CDK10: variants seen among roughly 807,000 people sequenced by gnomAD.
CDK10 encodes the protein cyclin dependent kinase 10, also known as cyclin-dependent kinase 10.
CDK10 carries 55 observed loss-of-function variants against 51.0 expected under a neutral mutation model. The ratio of observed to expected loss-of-function variants is 1.08; its 90% confidence interval spans 0.87 to 1.35. CDK10 has a LOEUF of 1.35. Ranked by LOEUF, CDK10 falls within the 40% of genes most tolerant of loss-of-function variation. CDK10 has a pLI of 0.00. For synonymous variants in CDK10, 255 were observed against 199.1 expected (o/e 1.28, Z -2.36); for missense variants, 589 against 485.1 (o/e 1.21, Z -2.01).
Position 89,691,564 on chromosome 16 carries a change from T to TGCACATTG in CDK10, c.335+21_335+28dup. 6.3e-7 allele frequency: 1 copy of TGCACATTG among 1,588,924 alleles called. No individual in the cohort carries two copies. Among genetic ancestry groups the TGCACATTG allele is most frequent in the East Asian group, 2.2e-5 (1 of 44,734 alleles). ...TGGAGAGGTACGTGGTCTCCTGGTCTGCACATTGGGCCCTAGGGAGCATGT... is the reference window on the plus strand; with the variant it reads ...TGGAGAGGTACGTGGTCTCCTGGTCTGCACATTGGCACATTGGGCCCTAGGGAGCATGT... On this transcript the variant is annotated intron_variant, in intron 4 of 12. Transcript: ENST00000353379.
At chr16:89,686,929 CCCGCGGCGGGGGCGGAAG>C (rs1350709406) in intron 1 of CDK10, 132 bp downstream of exon 1, 1 of 734,744 alleles carries the variant, frequency 1.4e-6, no homozygotes, top group Non-Finnish European at 2.1e-6. Context: ...CCCAGAGTTC[CCCGCGGCGGGGGCGGAAG>C]CCGGGGCGGG....
intron 1 of CDK10, chr16:89,687,530 T>C (rs995178226): frequency 4.4e-6 from 2 of 455,866 alleles, no homozygotes; most frequent in South Asian, 1.5e-5. Flanking sequence ...AGCCGTGTGC[T>C]GGACTCTGGG....
rs1277201742 is a variant in CDK10, at chr16:89,691,876, T to C, written c.406T>C (p.Ser136Pro). The C allele has an allele frequency of 6.2e-7, 1 of 1,613,930 alleles. No individual in the cohort carries two copies. Among genetic ancestry groups the C allele is most frequent in the African/African-American group, 1.3e-5 (1 of 74,928 alleles). Residue 136 changes from serine to proline, a missense_variant, in exon 5 of 13, where the codon TCG becomes CCG. Ser to Pro is a moderately conservative substitution (Grantham distance 74). Coordinates refer to ENST00000353379, the MANE Select transcript of CDK10 (RefSeq NM_052988.5). ...SLLENMPTPFSEAQVKCIVLQ... is the reference protein window; with the variant it reads ...SLLENMPTPFPEAQVKCIVLQ... ...CCTGGAGAATATGCCAACACCCTTC[T>C]CGGAGGCTCAGGTGCGTGGCAGAGG... is the stretch of plus-strand genomic sequence containing the variant.
At chr16:89,686,857 G>A in intron 1 of CDK10, 60 bp downstream of exon 1, 1 of 1,435,334 alleles carries the variant, frequency 7.0e-7, no homozygotes, top group Non-Finnish European at 9.6e-7. Flanking sequence ...GCCCGGCTGG[G>A]TCTGGGGAGC....
Position 89,687,241 on chromosome 16 carries a change from A to G in CDK10, c.87+444A>G, listed in dbSNP as rs554477709. On this transcript the variant is annotated intron_variant, in intron 1 of 12. Transcript: ENST00000353379. ...GGGTCCAGCGCTGCCTGGCGGCTTC[A>G]CGCGAACCCTGGGCGCGTCCCTTGC... 1.4e-4 allele frequency: 47 copies of G among 330,296 alleles called. No homozygotes were observed. The Admixed American group carries it at 1.8e-3, about 12-fold the overall frequency. 20.5% of individuals were successfully genotyped at this position (330,296 alleles called of 1,614,324 possible).
In CDK10 at chr16:89,695,359, G is replaced by A. The variant is rs375057107; in HGVS notation, c.985+14G>A. 109 of 1,610,082 alleles carry A rather than the reference G, an allele frequency of 6.8e-5. No homozygotes were observed. In the African/African-American group the frequency reaches 1.4e-3, roughly 20 times the overall value. ...AGAAGCCCCTACGTGAGTGTGCAGGGTTCCTGACTCGCTCTGTGGGGTATG... is the reference window on the plus strand; with the variant it reads ...AGAAGCCCCTACGTGAGTGTGCAGGATTCCTGACTCGCTCTGTGGGGTATG... On this transcript the variant is annotated intron_variant, in intron 12 of 12. Coordinates refer to ENST00000353379, the MANE Select transcript of CDK10 (RefSeq NM_052988.5).
intron 8 of CDK10, 100 bp from the exon 9 acceptor site, chr16:89,694,073 T>A (rs1286056182): frequency 4.8e-6 from 6 of 1,243,658 alleles, no homozygotes; most frequent in Admixed American, 1.7e-5. Flanking sequence ...TTGGGACAGG[T>A]TTCCAGGCCA....
intron 11 of CDK10, 97 bp from the exon 12 acceptor site, chr16:89,695,196 G>C: frequency 6.5e-7 from 1 of 1,538,574 alleles, no homozygotes. Context: ...GTGGCCACCT[G>C]GCTTCCTTTG....
intron 6 of CDK10, 181 bp downstream of exon 6, chr16:89,692,697 TCA>T (rs2060506420): frequency 2.2e-6 from 1 of 459,164 alleles, no homozygotes; most frequent in East Asian, 3.7e-5. Flanking sequence ...CAGGCTGGTC[TCA>T]CACACTTGGG....
chr16:89,693,149 A>G (rs1373943682), intron 6 of CDK10, 125 bp from the exon 7 acceptor site: 6 of 792,504 alleles, frequency 7.6e-6, no homozygotes, highest in African/African-American at 7.0e-5. Flanking sequence ...AAAAAAAAAA[A>G]AAAAGATACT....
chr16:89,691,465 G>A lies in CDK10; in HGVS notation c.255G>A (p.Arg85=). The A allele has an allele frequency of 6.2e-7, 1 of 1,612,856 alleles. No individual in the cohort carries two copies. Among genetic ancestry groups the A allele is most frequent in the African/African-American group, 1.3e-5 (1 of 75,040 alleles). ...EKDGIPISSL[R]EITLLLRLRH... is the part of the protein sequence containing the mutation. ...CAGGCATCCCCATCAGCAGCTTGCG[G>A]GAGATCACGCTGCTGCTCCGCCTGC... The change falls in exon 4 of 13, where the codon CGG becomes CGA. Residue 85 remains arginine (R), a synonymous_variant. Transcript: ENST00000353379.
chr16:89,687,349 G>C (rs1358902968), intron 1 of CDK10: 1 of 412,272 alleles, frequency 2.4e-6, no homozygotes, highest in Non-Finnish European at 5.0e-6. Context: ...ACGGCTGGTG[G>C]GGGTGGAGAG....
At chr16:89,695,137 C>A in intron 11 of CDK10, 67 bp downstream of exon 11, 2 of 1,565,224 alleles carry the variant, frequency 1.3e-6, no homozygotes, top group Non-Finnish European at 1.7e-6. Flanking sequence ...TTCCCAGAGC[C>A]CAGCCTCACT....
At chr16:89,687,574 G>GT (rs779191067) in intron 1 of CDK10, 4 of 450,728 alleles carry the variant, frequency 8.9e-6, no homozygotes, top group Admixed American at 2.4e-5. Flanking sequence ...CTTTTTTGTT[G>GT]TTTTTTTGAG....
rs775049798 is a variant in CDK10 at position 89,691,895 on chromosome 16, G to A, written c.417+8G>A. ...CCCTTCTCGGAGGCTCAGGTGCGTG[G>A]CAGAGGGGCCTGGGGTGGGGGAATG... On this transcript the variant is annotated splice_region_variant and intron_variant, in intron 5 of 12. Transcript: ENST00000353379. 6.2e-7 allele frequency: 1 copy of A among 1,613,192 alleles called. No homozygotes were observed.
intron 5 of CDK10, 94 bp from the exon 6 acceptor site, chr16:89,692,355 A>AGCGTGCAGCC: frequency 1.1e-6 from 1 of 916,374 alleles, no homozygotes; most frequent in Non-Finnish European, 1.6e-6. Context: ...GGCTATTGGG[A>AGCGTGCAGCC]CTGCTAGTCC....
intron 1 of CDK10, among the ~76,000 whole-genome samples, 155 bp from the exon 2 acceptor site, chr16:89,689,097 C>G (rs1349098168): frequency 6.6e-6 from 1 of 151,882 alleles, no homozygotes; most frequent in African/African-American, 2.4e-5. Context: ...GAGACTCAGT[C>G]TCAAAAAAAG....
rs780812230 is a variant in CDK10, at chr16:89,686,694, C to CG, written c.-13dup. 1.2e-4 allele frequency: 189 copies of CG among 1,567,216 alleles called. No homozygotes were observed. The highest frequency in any genetic ancestry group is 8.1e-4 in the South Asian group (69 of 85,428). ...CGTCTGCGCCTGCGCGCAAGAGAGG[C>CG]GGGGCCAGCGCTCGGCATGGCGGAG... On this transcript the variant is annotated 5_prime_UTR_variant, in exon 1 of 13. Transcript: ENST00000353379.
rs755952324 is a variant in CDK10, at chr16:89,689,265, G to A, written c.101G>A (p.Arg34Gln). The A allele has an allele frequency of 2.0e-5, 32 of 1,613,940 alleles. No homozygotes were observed. Among genetic ancestry groups the A allele is most frequent in the African/African-American group, 6.7e-5 (5 of 74,898 alleles). The change falls in exon 2 of 13, where the codon CGG (arginine) becomes CAG (glutamine). Residue 34 changes from arginine (R) to glutamine (Q), a missense_variant. Coordinates refer to ENST00000353379, the MANE Select transcript of CDK10 (RefSeq NM_052988.5). ...VPPEHRLGRC[R>Q]SVKEFEKLNR... ...CTTCTGTTTCAGCTGGGACGATGCC[G>A]GAGTGTGAAGGAGTTTGAGAAGCTG...
Sources: gnomAD v4.1 joint callset for allele counts (sites outside exome capture counted in the v4.1 genomes callset) on GRCh38, gnomAD v4.1.1 for gene constraint, MANE v1.5 for transcripts, NCBI Gene and HGNC (gene_info 2026-07-23, HGNC 2026-07-21) for gene names.